The following PLPPR1 variants were observed in gnomAD, a reference collection of about 807,000 sequenced individuals.
The protein encoded by PLPPR1 is phospholipid phosphatase related 1, also known as phospholipid phosphatase-related protein type 1.
A neutral mutation model predicts 33.1 loss-of-function variants in PLPPR1; 10 were observed. The ratio of observed to expected loss-of-function variants is 0.30; its 90% confidence interval spans 0.19 to 0.51. The LOEUF is 0.51. Among genes scored for constraint, PLPPR1 ranks in the 20% least tolerant of loss-of-function variants. The pLI, the probability that PLPPR1 is intolerant of heterozygous loss-of-function variation, is 0.97. For missense variants in PLPPR1, 304 were observed against 408.1 expected, an observed-to-expected ratio of 0.74 and a Z score of 2.20; for synonymous variants, 151 against 151.0, an observed-to-expected ratio of 1.00 and a Z score of 0.00.
At chr9:101,260,972 G>T (rs1827888140) in intron 2 of PLPPR1, among the ~76,000 whole-genome samples, 1 of 152,102 alleles carries the variant, frequency 6.6e-6, no homozygotes, top group South Asian at 2.1e-4. Flanking sequence ...TCACCCCAAA[G>T]TAAAAAAGCA....
chr9:101,043,507 C>T (rs1187118741), intron 1 of PLPPR1, among the ~76,000 whole-genome samples: 2 of 151,496 alleles, frequency 1.3e-5, no homozygotes, highest in Non-Finnish European at 2.9e-5. Flanking sequence ...ATACATACAT[C>T]AATATATCAG....
intron 3 of PLPPR1, among the ~76,000 whole-genome samples, chr9:101,272,685 G>A (rs1828122320): frequency 6.6e-6 from 1 of 152,130 alleles, no homozygotes; most frequent in African/African-American, 2.4e-5. Flanking sequence ...GTGCATATAA[G>A]TATTTCTAAA....
At chr9:101,056,846 A>T (rs1371212302) in intron 1 of PLPPR1, among the ~76,000 whole-genome samples, 1 of 152,094 alleles carries the variant, frequency 6.6e-6, no homozygotes, top group Non-Finnish European at 1.5e-5. Flanking sequence ...AGAAATGGGG[A>T]TGGAGTGGAC....
At chr9:101,075,897 A>G (rs975655544) in intron 1 of PLPPR1, among the ~76,000 whole-genome samples, 28 of 152,234 alleles carry the variant, frequency 1.8e-4, no homozygotes, top group African/African-American at 6.5e-4. Context: ...GGTGAAGAGC[A>G]AAGTGAGAAC....
chr9:101,069,308 T>A (rs1446722031), intron 1 of PLPPR1, among the ~76,000 whole-genome samples: 1 of 152,110 alleles, frequency 6.6e-6, no homozygotes, highest in African/African-American at 2.4e-5. Flanking sequence ...AAATTAAGGC[T>A]GATAGAGGTA....
chr9:101,093,542 T>A (rs1347370260), intron 1 of PLPPR1, among the ~76,000 whole-genome samples: 1 of 152,210 alleles, frequency 6.6e-6, no homozygotes, highest in East Asian at 1.9e-4. Flanking sequence ...ATGTAATTAG[T>A]TCCTTGTCTG....
At chr9:101,261,483 C>T (rs1280362592) in intron 2 of PLPPR1, among the ~76,000 whole-genome samples, 1 of 152,140 alleles carries the variant, frequency 6.6e-6, no homozygotes, top group Non-Finnish European at 1.5e-5. Context: ...GGGATGAATT[C>T]TCATATACAC....
At chr9:101,164,350 A>ATTTTC (rs72414037) in intron 1 of PLPPR1, among the ~76,000 whole-genome samples, 1 of 138,316 alleles carries the variant, frequency 7.2e-6, no homozygotes, top group East Asian at 2.1e-4. Context: ...AAATTTTGCT[A>ATTTTC]TTTTCTTTTC....
intron 1 of PLPPR1, among the ~76,000 whole-genome samples, chr9:101,041,692 T>C (rs1830079824): frequency 6.6e-6 from 1 of 152,096 alleles, no homozygotes. Flanking sequence ...TAAAGAAGCT[T>C]TGGACTACTT....
chr9:101,083,220 G>A lies in PLPPR1; in HGVS notation c.-46+54118G>A, dbSNP rs578076084. On this transcript the variant is annotated intron_variant, in intron 1 of 7. Coordinates refer to ENST00000374874, the MANE Select transcript of PLPPR1 (RefSeq NM_207299.2). ...GTTACCCAGGCTGGAGTGCAGTGGC[G>A]CAATCTTGGCTCAAGGCAACCTCCG... Among the ~76,000 whole-genome samples the A allele has an allele frequency of 2.0e-3, 304 of 151,588 alleles. 2 individuals are homozygous for A. Among genetic ancestry groups the A allele is most frequent in the Non-Finnish European group, 3.7e-3 (254 of 67,868 alleles).
chr9:101,211,387 C>A (rs999250915), intron 2 of PLPPR1, among the ~76,000 whole-genome samples: 2 of 152,106 alleles, frequency 1.3e-5, no homozygotes, highest in Admixed American at 6.5e-5. Context: ...AAAACATTGT[C>A]CAAATCAAAA....
intron 4 of PLPPR1, among the ~76,000 whole-genome samples, chr9:101,303,108 T>A (rs573139242): frequency 1.3e-5 from 2 of 151,774 alleles, no homozygotes; most frequent in Non-Finnish European, 2.9e-5. Flanking sequence ...TGCCTCAGCC[T>A]CCTGAGTAGC....
intron 1 of PLPPR1, among the ~76,000 whole-genome samples, chr9:101,180,648 C>G (rs1398184923): frequency 2.6e-5 from 4 of 151,432 alleles, no homozygotes; most frequent in Non-Finnish European, 5.9e-5. Flanking sequence ...AAAGAATAGT[C>G]TCTTCAATAA....
chr9:101,102,093 C>A (rs1378986439), intron 1 of PLPPR1, among the ~76,000 whole-genome samples: 6 of 71,882 alleles, frequency 8.3e-5, no homozygotes, highest in South Asian at 1.1e-3. Context: ...GTAGGAACAA[C>A]TTTTTTTTTT....
intron 3 of PLPPR1, among the ~76,000 whole-genome samples, chr9:101,271,428 A>G (rs1327284595): frequency 6.6e-6 from 1 of 152,168 alleles, no homozygotes; most frequent in Admixed American, 6.5e-5. Flanking sequence ...CCAACTTCCT[A>G]CTTCTGAAAG....
At chr9:101,262,958 AACACCTGGAC>A (rs1827926330) in intron 2 of PLPPR1, among the ~76,000 whole-genome samples, 1 of 152,140 alleles carries the variant, frequency 6.6e-6, no homozygotes, top group African/African-American at 2.4e-5. Context: ...GAAAAATGAG[AACACCTGGAC>A]ACAGGGAGTG....
chr9:101,028,780 C>G lies in PLPPR1; in HGVS notation c.-368C>G, dbSNP rs1367843144. On this transcript the variant is annotated 5_prime_UTR_variant, in exon 1 of 8. Transcript: ENST00000374874. ...AAACAGGAGATCCTGAAACCTGGAC[C>G]CTGTGCAAGCTGCAGCGCCAGGAGG... 6.6e-6 allele frequency: 1 copy of G among 152,280 alleles called. No homozygotes were observed. The highest frequency in any genetic ancestry group is 1.9e-4 in the East Asian group (1 of 5,182). The allele number at this position is 152,280 out of a possible 1,614,324, so 9.4% of individuals were successfully genotyped here.
intron 1 of PLPPR1, among the ~76,000 whole-genome samples, chr9:101,159,714 A>G (rs536464046): frequency 3.1e-4 from 47 of 152,348 alleles, no homozygotes; most frequent in African/African-American, 1.0e-3. Flanking sequence ...GATTCCAGGC[A>G]TACAAGGATG....
chr9:101,206,487 C>A (rs2118758239), intron 2 of PLPPR1, among the ~76,000 whole-genome samples: 1 of 152,258 alleles, frequency 6.6e-6, no homozygotes, highest in East Asian at 1.9e-4. Flanking sequence ...AGAGTCTGAG[C>A]TCTCTGCTTG....
Sources: allele counts gnomAD v4.1 joint callset (sites outside exome capture counted in the v4.1 genomes callset), GRCh38; gene constraint gnomAD v4.1.1; transcripts MANE v1.5; gene names NCBI Gene and HGNC (gene_info 2026-07-23, HGNC 2026-07-21).